Variants in KIAA0586 observed in about 807,000 individuals in gnomAD.
The protein encoded by KIAA0586 is KIAA0586.
Under a neutral mutation model 169.8 loss-of-function variants are expected in KIAA0586, and 144 were observed. The observed-to-expected ratio is 0.85, with a 90% CI of 0.74 to 0.97. The LOEUF (loss-of-function observed/expected upper bound fraction) is 0.97. KIAA0586 is among the 50% of genes least tolerant of loss of function. The probability of loss-of-function intolerance (pLI) is 0.00; values close to 1 mark genes in which losing one functional copy is unlikely to be tolerated. For missense variants in KIAA0586, 1,854 were observed against 1,823.0 expected (o/e 1.02, Z -0.31); for synonymous variants, 625 against 612.4 (o/e 1.02, Z -0.30).
intron 29 of KIAA0586, among the ~76,000 whole-genome samples, chr14:58,532,247 G>A (rs1032380657): frequency 6.6e-6 from 1 of 151,916 alleles, no homozygotes; most frequent in Non-Finnish European, 1.5e-5. Flanking sequence ...GACAAGAGGA[G>A]GTAAATACCT....
Position 58,448,459 on chromosome 14 carries a change from T to A in KIAA0586, c.927T>A (p.Asn309Lys). 6.2e-7 allele frequency: 1 copy of A among 1,611,998 alleles called. No individual in the cohort carries two copies. The highest frequency in any genetic ancestry group is 8.5e-7 in the Non-Finnish European group (1 of 1,178,418). ...AACACCCTAATCTTGGTAGCTGTAA[T>A]CCATCTTTATATAACACATTTGCTT... is the stretch of plus-strand genomic sequence containing the variant. Reference protein sequence around the residue: ...KPEHPNLGSCNPSLYNTFASK... With the variant: ...KPEHPNLGSCKPSLYNTFASK... Residue 309 changes from asparagine (N) to lysine (K), a missense_variant, in exon 7 of 31, where the codon AAT becomes AAA. Transcript: ENST00000652326.
intron 12 of KIAA0586, among the ~76,000 whole-genome samples, chr14:58,459,414 A>G (rs1271015895): frequency 2.0e-5 from 3 of 152,162 alleles, no homozygotes; most frequent in African/African-American, 7.2e-5. Context: ...AATGAATCCC[A>G]TGTAAAGTAT....
rs182001765 is a variant in KIAA0586, at chr14:58,464,285, G to A, written c.2060-1550G>A. 13 of 220,820 alleles carry A rather than the reference G, an allele frequency of 5.9e-5. No homozygotes were observed. In the East Asian group the frequency reaches 1.7e-3, roughly 29 times the overall value. 13.7% of individuals were successfully genotyped at this position (220,820 alleles called of 1,614,324 possible). On this transcript the variant is annotated intron_variant, in intron 14 of 30. Transcript: ENST00000652326. ...AGACAGGTTTTATATTATAAAGTGTGCATTCTTATCACATACTATATAGTT... is the reference window on the plus strand; with the variant it reads ...AGACAGGTTTTATATTATAAAGTGTACATTCTTATCACATACTATATAGTT...
At chr14:58,446,693 TAAC>T (rs1051226381) in intron 6 of KIAA0586, among the ~76,000 whole-genome samples, 1 of 152,188 alleles carries the variant, frequency 6.6e-6, no homozygotes, top group African/African-American at 2.4e-5. Context: ...TTTCAAGACT[TAAC>T]AGGGTTTATC....
At chr14:58,547,654 C>G (rs2047062276) in intron 30 of KIAA0586, 127 bp from the exon 31 acceptor site, 2 of 806,250 alleles carry the variant, frequency 2.5e-6, no homozygotes, top group African/African-American at 3.4e-5. Flanking sequence ...CAAGAGAGTC[C>G]CTTGTAGGCA....
intron 30 of KIAA0586, among the ~76,000 whole-genome samples, chr14:58,544,327 C>T (rs1419144222): frequency 6.6e-6 from 1 of 152,120 alleles, no homozygotes; most frequent in African/African-American, 2.4e-5. Context: ...CCGCAGTGAA[C>T]ATTTGCATAT....
At chr14:58,530,198 A>T (rs2045870246) in intron 29 of KIAA0586, among the ~76,000 whole-genome samples, 1 of 152,234 alleles carries the variant, frequency 6.6e-6, no homozygotes, top group Non-Finnish European at 1.5e-5. Context: ...ATAAGGACAC[A>T]AACAAATGGC....
Position 58,428,309 on chromosome 14 carries a change from G to A in KIAA0586, c.45G>A (p.Lys15=), listed in dbSNP as rs1403027572. The A allele has an allele frequency of 1.2e-6, 2 of 1,613,794 alleles. No individual in the cohort carries two copies. Among genetic ancestry groups the A allele is most frequent in the Non-Finnish European group, 1.7e-6 (2 of 1,179,868 alleles). ...EVSLEKKKKI[K]MPVKRLREVV... ...GCTTGGAGAAGAAAAAAAAGATTAA[G>A]ATGCCAGTGAAGAGACTTCGTGAGG... The change falls in exon 1 of 31, where the codon AAG becomes AAA. Residue 15 remains lysine, a synonymous_variant. Transcript: ENST00000652326.
chr14:58,459,912 C>A lies in KIAA0586; in HGVS notation c.1726C>A (p.Gln576Lys). 1.3e-6 allele frequency: 2 copies of A among 1,533,420 alleles called. No individual in the cohort carries two copies. The highest frequency in any genetic ancestry group is 2.4e-5 in the South Asian group (2 of 83,784). The allele number at this position is 1,533,420 out of a possible 1,614,324, so 95.0% of individuals were successfully genotyped here. A position where few individuals can be genotyped will look rare whatever the true frequency, so the allele number is the denominator to read the frequency against. The change falls in exon 13 of 31, where the codon CAG (glutamine) becomes AAG (lysine). Residue 576 changes from glutamine (Q) to lysine (K), a missense_variant. Physicochemically the swap from Gln to Lys is moderately conservative, Grantham distance 53. Coordinates refer to ENST00000652326, the MANE Select transcript of KIAA0586 (RefSeq NM_001329943.3). ...GAAGAATCAGAGAACCAAGAAAGGT[C>A]AGAATATGACTAAAGATATTAGAAC... ...DQKNQRTKKG[Q>K]NMTKDIRTNT...
intron 14 of KIAA0586, chr14:58,463,849 T>G: frequency 3.8e-6 from 1 of 262,444 alleles, no homozygotes; most frequent in Non-Finnish European, 7.8e-6. Flanking sequence ...ATTAGATACA[T>G]TAAAAAATTA....
At chr14:58,452,916 A>G (rs1424668090) in intron 8 of KIAA0586, among the ~76,000 whole-genome samples, 4 of 150,436 alleles carry the variant, frequency 2.7e-5, no homozygotes, top group South Asian at 2.1e-4. Context: ...TTTGTAGGCT[A>G]TAAATTTTTT....
intron 19 of KIAA0586, among the ~76,000 whole-genome samples, chr14:58,475,267 C>T (rs1445047501): frequency 6.6e-6 from 1 of 152,178 alleles, no homozygotes; most frequent in Non-Finnish European, 1.5e-5. Flanking sequence ...TTCATAGAAG[C>T]ACAAACCCTA....
In KIAA0586 at chr14:58,456,086, A is replaced by T. The variant is rs376642444; in HGVS notation, c.1254-616A>T. Among the ~76,000 whole-genome samples, 282 of 152,244 alleles carry T rather than the reference A, an allele frequency of 1.9e-3. 1 individual carries two copies. Among genetic ancestry groups the T allele is most frequent in the African/African-American group, 5.6e-3 (233 of 41,544 alleles). Reference sequence around the variant, plus strand: ...TTTCTCGCTGAGCTAGCAGTGAGTCAGTTCAAATAAAGACAAACACTATGA... The same window carrying T: ...TTTCTCGCTGAGCTAGCAGTGAGTCTGTTCAAATAAAGACAAACACTATGA... On this transcript the variant is annotated intron_variant, in intron 9 of 30. Transcript: ENST00000652326.
At position 58,453,416 on chromosome 14, in the gene KIAA0586, C is replaced by A; in HGVS notation, c.1196C>A (p.Ser399Ter). The A allele has an allele frequency of 6.6e-7, 1 of 1,507,490 alleles. No homozygotes were observed. Among genetic ancestry groups the A allele is most frequent in the Non-Finnish European group, 9.0e-7 (1 of 1,117,196 alleles). 93.4% of individuals were successfully genotyped at this position (1,507,490 alleles called of 1,614,324 possible). The change falls in exon 9 of 31, where the codon TCA becomes TAA. Residue 399 changes from serine (S) to a stop codon, truncating the protein, a stop_gained. Coordinates refer to ENST00000652326, the MANE Select transcript of KIAA0586 (RefSeq NM_001329943.3). LOFTEE classifies it high-confidence loss of function. ...TCTTTGACAAGAAAAAGTGAATCAT[C>A]AAACACCACCTCACTAACTAGGTCA... is the stretch of plus-strand genomic sequence containing the variant. ...NDSLTRKSES[S>*]NTTSLTRSKI...
chr14:58,455,719 T>C (rs1256505944), intron 9 of KIAA0586, among the ~76,000 whole-genome samples: 2 of 151,980 alleles, frequency 1.3e-5, no homozygotes, highest in Non-Finnish European at 2.9e-5. Context: ...TGCATGCACA[T>C]GCATGTGCTA....
rs770532816 is a variant in KIAA0586 at position 58,467,749 on chromosome 14, A to G, written c.2269A>G (p.Asn757Asp). ...MAILLGQTQS[N>D]SDTMPPAGVI... Reference sequence around the variant, plus strand: ...AAACTTCTTAGGACAAACCCAAAGTAATAGTGATACCATGCCACCTGCTGG... The same window carrying G: ...AAACTTCTTAGGACAAACCCAAAGTGATAGTGATACCATGCCACCTGCTGG... Residue 757 changes from asparagine to aspartate, a missense_variant, in exon 16 of 31, where the codon AAT becomes GAT. Asn to Asp is a conservative substitution (Grantham distance 23). Coordinates refer to ENST00000652326, the MANE Select transcript of KIAA0586 (RefSeq NM_001329943.3). The G allele has an allele frequency of 2.5e-6, 4 of 1,609,928 alleles. No homozygotes were observed. The African/African-American group carries it at 4.0e-5, about 16-fold the overall frequency.
chr14:58,484,915 T>TATATATATAA, intron 21 of KIAA0586, among the ~76,000 whole-genome samples: 1 of 30,724 alleles, frequency 3.3e-5, no homozygotes, highest in Non-Finnish European at 6.7e-5. Context: ...TATATATATA[T>TATATATATAA]ATATATATAT....
At chr14:58,502,999 T>G (rs930033241) in intron 27 of KIAA0586, among the ~76,000 whole-genome samples, 2 of 152,212 alleles carry the variant, frequency 1.3e-5, no homozygotes, top group Non-Finnish European at 2.9e-5. Flanking sequence ...TGTAGTCCTC[T>G]ATCACTGTCT....
intron 21 of KIAA0586, among the ~76,000 whole-genome samples, chr14:58,484,924 A>ATATATTT (rs1566877360): frequency 7.7e-5 from 1 of 13,052 alleles, no homozygotes; most frequent in African/African-American, 3.1e-4. Context: ...ATATATATAT[A>ATATATTT]TTTTTTTTTT....
Sources: allele counts gnomAD v4.1 joint callset (sites outside exome capture counted in the v4.1 genomes callset), GRCh38; gene constraint gnomAD v4.1.1; transcripts MANE v1.5; gene names NCBI Gene and HGNC (gene_info 2026-07-23, HGNC 2026-07-21).